The following NFIB variants were observed in gnomAD, a reference collection of about 807,000 sequenced individuals.
NFIB encodes nuclear factor 1 B-type.
Under a neutral mutation model 61.5 loss-of-function variants are expected in NFIB, and 11 were observed. That is an observed-to-expected ratio of 0.18 (90% confidence interval 0.11 to 0.30). The LOEUF (loss-of-function observed/expected upper bound fraction) is 0.30, where lower values mean the gene tolerates loss of function less well. Among genes scored for constraint, NFIB ranks in the 10% least tolerant of loss-of-function variants. The pLI is 1.00. For synonymous variants in NFIB, 260 were observed against 216.5 expected, an observed-to-expected ratio of 1.20 and a Z score of -1.76; for missense variants, 471 against 608.9, an observed-to-expected ratio of 0.77 and a Z score of 2.38.
the NFIB span, among the ~76,000 whole-genome samples, chr9:14,425,179 G>C: frequency 6.6e-6 from 1 of 152,186 alleles, no homozygotes; most frequent in African/African-American, 2.4e-5. Flanking sequence ...CAGCAGTCAA[G>C]GGCAGATAAA....
Position 14,307,543 on chromosome 9 carries a change from G to T in NFIB, c.31-23C>A. 6.4e-7 allele frequency: 1 copy of T among 1,553,796 alleles called. No homozygotes were observed. ...ATCCTGTGGAAGACAGAGGGGTGAG[G>T]AAAAGATGTGCATAGTCAGTTTAAT... On this transcript the variant is annotated intron_variant, in intron 1 of 10. Transcript: ENST00000380953. The surrounding 1 kb of genome is among the most constrained non-coding windows in gnomAD (Gnocchi z 5.3).
At chr9:14,410,142 T>C in the NFIB span, among the ~76,000 whole-genome samples, 1 of 151,364 alleles carries the variant, frequency 6.6e-6, no homozygotes, top group Admixed American at 6.6e-5. Flanking sequence ...ATACAGTAAG[T>C]GACATGAGAC....
intron 2 of NFIB, among the ~76,000 whole-genome samples, chr9:14,233,075 C>G (rs1047767381): frequency 2.0e-5 from 3 of 152,116 alleles, no homozygotes; most frequent in African/African-American, 4.8e-5. Context: ...TTAAGAAAAC[C>G]AAGGCAAAGA....
At chr9:14,344,658 T>C (rs2060997784) in intron 1 of NFIB, among the ~76,000 whole-genome samples, 1 of 152,162 alleles carries the variant, frequency 6.6e-6, no homozygotes, top group Non-Finnish European at 1.5e-5. Flanking sequence ...TCAGTGTTTA[T>C]ACTGTTTTGT....
chr9:14,375,026 A>G (rs1398270463), intron 1 of NFIB, among the ~76,000 whole-genome samples: 1 of 152,256 alleles, frequency 6.6e-6, no homozygotes, highest in Non-Finnish European at 1.5e-5. Flanking sequence ...TTATTTTATT[A>G]CATGCTATGC....
At chr9:14,127,921 T>A (rs2039883559) in intron 6 of NFIB, among the ~76,000 whole-genome samples, 1 of 139,378 alleles carries the variant, frequency 7.2e-6, no homozygotes. Flanking sequence ...ACCATTTCTG[T>A]ATATCTTTTT....
In NFIB at chr9:14,172,420, A is replaced by C. The variant is rs368244506; in HGVS notation, c.616+7307T>G. On this transcript the variant is annotated intron_variant, in intron 3 of 10. Transcript: ENST00000380953. ...CAGAAAGTTGATGGCTTCATAAAGT[A>C]GAAACACCATGGAAAGGAAAGGAGG... Among the ~76,000 whole-genome samples, 15 of 152,326 alleles carry C rather than the reference A, an allele frequency of 9.8e-5. No individual in the cohort carries two copies. The East Asian group carries it at 2.5e-3, about 25-fold the overall frequency.
At chr9:14,317,990 T>G (rs189979271), upstream of NFIB, among the ~76,000 whole-genome samples, 484 of 152,308 alleles carry the variant, frequency 3.2e-3, 10 homozygotes, top group East Asian at 3.3e-3. Flanking sequence ...AAACACTTCT[T>G]AAACTTTGGT....
chr9:14,494,859 C>T, the NFIB span, among the ~76,000 whole-genome samples: 20 of 152,162 alleles, frequency 1.3e-4, no homozygotes, highest in Admixed American at 6.5e-5. Context: ...CCATCCACTC[C>T]GGGCCTTTCC....
chr9:14,268,560 C>T (rs1271549644), intron 2 of NFIB, among the ~76,000 whole-genome samples: 2 of 152,182 alleles, frequency 1.3e-5, no homozygotes, highest in East Asian at 3.8e-4. Flanking sequence ...TCTAACAAAA[C>T]GGTGCTCATC....
chr9:14,218,573 A>G (rs1278817796), intron 2 of NFIB, among the ~76,000 whole-genome samples: 1 of 152,182 alleles, frequency 6.6e-6, no homozygotes, highest in Non-Finnish European at 1.5e-5. Flanking sequence ...TATAGATGTC[A>G]CCCAATCAAT....
intron 3 of NFIB, among the ~76,000 whole-genome samples, chr9:14,160,577 G>A (rs557059419): frequency 2.0e-4 from 30 of 152,198 alleles, no homozygotes; most frequent in African/African-American, 6.0e-4. Flanking sequence ...AAACAGATTT[G>A]TCATCCAATG....
At chr9:14,179,905 A>G (rs990483399) in intron 2 of NFIB, 125 bp from the exon 3 acceptor site, 1 of 785,118 alleles carries the variant, frequency 1.3e-6, no homozygotes, top group Non-Finnish European at 2.0e-6. Context: ...AATAAAATAC[A>G]CTTTCCCAAG....
At chr9:14,104,556 G>C (rs930507260) in intron 10 of NFIB, among the ~76,000 whole-genome samples, 1 of 151,980 alleles carries the variant, frequency 6.6e-6, no homozygotes. Flanking sequence ...TCTAGTCAAT[G>C]AAAATGGAAG....
intron 4 of NFIB, among the ~76,000 whole-genome samples, chr9:14,150,868 G>A (rs562542127): frequency 1.3e-5 from 2 of 152,094 alleles, no homozygotes; most frequent in African/African-American, 4.8e-5. Flanking sequence ...TTCAGGTGAT[G>A]GATACCCCAT....
At chr9:14,513,646 GAAAAGA>G in the NFIB span, among the ~76,000 whole-genome samples, 21 of 126,010 alleles carry the variant, frequency 1.7e-4, no homozygotes, top group African/African-American at 5.8e-4. Context: ...AAAAGAAAAA[GAAAAGA>G]AAAAGAAAAA....
At chr9:14,167,450 T>C (rs1410057732) in intron 3 of NFIB, among the ~76,000 whole-genome samples, 3 of 152,104 alleles carry the variant, frequency 2.0e-5, no homozygotes, top group South Asian at 2.1e-4. Flanking sequence ...TGAGAATTGC[T>C]TGAACCTGGG....
chr9:14,338,291 G>A (rs941366795), intron 1 of NFIB, among the ~76,000 whole-genome samples: 2 of 152,180 alleles, frequency 1.3e-5, no homozygotes, highest in African/African-American at 4.8e-5. Flanking sequence ...CTACTCGGGA[G>A]GCTGAGGCAG....
chr9:14,217,063 A>C (rs535996069), intron 2 of NFIB, among the ~76,000 whole-genome samples: 1 of 152,370 alleles, frequency 6.6e-6, no homozygotes, highest in Non-Finnish European at 1.5e-5. Flanking sequence ...AATGACTAAC[A>C]TTTGAATTCA....
Sources: gnomAD v4.1 joint callset for allele counts (sites outside exome capture counted in the v4.1 genomes callset) on GRCh38, gnomAD v4.1.1 for gene constraint, Gnocchi (gnomAD v3.1) non-coding constraint, MANE v1.5 for transcripts, NCBI Gene and HGNC (gene_info 2026-07-23, HGNC 2026-07-21) for gene names.